Variants in TBXAS1 observed in about 807,000 individuals in gnomAD.
TBXAS1 encodes the protein thromboxane-A synthase.
Under a neutral mutation model 60.7 loss-of-function variants are expected in TBXAS1, and 48 were observed. That is an observed-to-expected ratio of 0.79 (90% CI 0.63 to 1.01). TBXAS1 has a LOEUF of 1.01. Ranked by LOEUF, TBXAS1 falls within the 50% of genes least tolerant of loss-of-function variation. The pLI, the probability that TBXAS1 is intolerant of heterozygous loss-of-function variation, is 0.00. For synonymous variants in TBXAS1, 287 were observed against 269.7 expected (o/e 1.06, Z -0.63); for missense variants, 685 against 686.3 (o/e 1.00, Z 0.02).
intron 12 of TBXAS1, 31 bp from the exon 13 acceptor site, chr7:140,019,990 CTCTT>C (rs748688217): frequency 3.4e-5 from 55 of 1,597,848 alleles, no homozygotes; most frequent in Non-Finnish European, 4.5e-5. Context: ...ATGCTACTAT[CTCTT>C]TGACAAATAT....
intron 1 of TBXAS1, among the ~76,000 whole-genome samples, chr7:139,866,694 G>A (rs1297235207): frequency 1.3e-5 from 2 of 151,980 alleles, no homozygotes; most frequent in African/African-American, 4.8e-5. Context: ...AGAGGTAGAG[G>A]CTACGGTGAG....
chr7:139,947,990 G>A (rs537349814), intron 5 of TBXAS1, among the ~76,000 whole-genome samples: 5 of 151,884 alleles, frequency 3.3e-5, no homozygotes, highest in African/African-American at 1.2e-4. Context: ...TCAGCCTCCC[G>A]AGTAGCTGGG....
intron 3 of TBXAS1, among the ~76,000 whole-genome samples, chr7:139,905,349 C>T (rs1456806918): frequency 6.6e-6 from 1 of 152,072 alleles, no homozygotes; most frequent in East Asian, 1.9e-4. Flanking sequence ...TTGTTGAATA[C>T]TTTTTCTGCA....
chr7:139,878,224 A>G lies in TBXAS1; in HGVS notation c.236+2587A>G, dbSNP rs571085315. Among the ~76,000 whole-genome samples, 24 of 140,550 alleles carry G rather than the reference A, an allele frequency of 1.7e-4. No individual in the cohort carries two copies. In the East Asian group the frequency reaches 4.9e-3, roughly 29 times the overall value. 92.2% of individuals were successfully genotyped at this position (140,550 alleles called of 152,430 possible). On this transcript the variant is annotated intron_variant, in intron 3 of 12. Coordinates refer to ENST00000448866, the MANE Select transcript of TBXAS1 (RefSeq NM_001061.7). ...AAGAGATAGAAAGAGATAGAGAGAG[A>G]TAGAAGAGGGGGAGAGAGAGAGAGA...
intron 9 of TBXAS1, among the ~76,000 whole-genome samples, chr7:139,992,450 C>T (rs915606349): frequency 2.0e-5 from 3 of 152,234 alleles, no homozygotes; most frequent in Non-Finnish European, 4.4e-5. Flanking sequence ...CCCACACTAG[C>T]GGGGAAGCTC....
chr7:139,861,065 T>C (rs1800925050), intron 1 of TBXAS1, among the ~76,000 whole-genome samples: 1 of 150,728 alleles, frequency 6.6e-6, no homozygotes, highest in African/African-American at 2.4e-5. Context: ...TCCCAGCTAC[T>C]TGGGAGGCTG....
chr7:139,786,822 G>A (rs1044988379), intron 3 of TBXAS1, among the ~76,000 whole-genome samples: 1 of 152,192 alleles, frequency 6.6e-6, no homozygotes, highest in African/African-American at 2.4e-5. Context: ...TTCTCATAAA[G>A]GTGTGTTCCA....
chr7:139,829,591 G>T, intron 1 of TBXAS1, 112 bp downstream of exon 1: 2 of 973,474 alleles, frequency 2.1e-6, no homozygotes, highest in Admixed American at 2.0e-5. Flanking sequence ...TTCTAATCTA[G>T]CGGGAGTGAG....
At chr7:139,837,477 A>G (rs967844211) in intron 1 of TBXAS1, among the ~76,000 whole-genome samples, 1 of 152,246 alleles carries the variant, frequency 6.6e-6, no homozygotes, top group Non-Finnish European at 1.5e-5. Flanking sequence ...AATACTATGC[A>G]GCCATAAAAA....
chr7:139,809,229 TAGATGATA>T (rs1179124943), intron 4 of TBXAS1, among the ~76,000 whole-genome samples: 176 of 115,978 alleles, frequency 1.5e-3, no homozygotes, highest in Middle Eastern at 7.9e-3. Context: ...GATAGATAGA[TAGATGATA>T]GATAGATAGA....
intron 9 of TBXAS1, among the ~76,000 whole-genome samples, chr7:139,983,594 T>C (rs1194148634): frequency 6.6e-6 from 1 of 152,122 alleles, no homozygotes; most frequent in Non-Finnish European, 1.5e-5. Flanking sequence ...ACCAACCCAA[T>C]AGATCTCCAT....
intron 4 of TBXAS1, among the ~76,000 whole-genome samples, chr7:139,928,842 A>T (rs933888313): frequency 2.6e-5 from 4 of 152,340 alleles, no homozygotes; most frequent in South Asian, 2.1e-4. Flanking sequence ...TCACTTTTTT[A>T]AAAAATCTTT....
chr7:139,851,113 T>C (rs987815348), intron 1 of TBXAS1, among the ~76,000 whole-genome samples: 1 of 152,246 alleles, frequency 6.6e-6, no homozygotes, highest in Non-Finnish European at 1.5e-5. Flanking sequence ...ATCATGTTTG[T>C]TACTGTAACC....
intron 3 of TBXAS1, among the ~76,000 whole-genome samples, chr7:139,880,216 T>G (rs1175210172): frequency 6.6e-6 from 1 of 152,176 alleles, no homozygotes; most frequent in African/African-American, 2.4e-5. Flanking sequence ...TGCTCTATAG[T>G]TCTGCTTTTA....
intron 4 of TBXAS1, among the ~76,000 whole-genome samples, chr7:139,801,586 C>G (rs1797725504): frequency 6.6e-6 from 1 of 152,014 alleles, no homozygotes; most frequent in Middle Eastern, 3.2e-3. Context: ...CCTTCTACCT[C>G]AGCCTCCCAA....
At chr7:139,985,041 A>C (rs1251479789) in intron 9 of TBXAS1, among the ~76,000 whole-genome samples, 2 of 152,196 alleles carry the variant, frequency 1.3e-5, no homozygotes, top group African/African-American at 2.4e-5. Flanking sequence ...TAAGGCTCAA[A>C]TGCCCTCCCC....
rs1810406307 is a variant in TBXAS1, at chr7:139,962,072, C to A, written c.973C>A (p.Pro325Thr). ...ACACCAGCCCAGCCCTATGGCCAGG[C>A]CTTTGACTGTGGATGAGATTGTGGG... ...RQHQPSPMAR[P>T]LTVDEIVGQA... The change falls in exon 9 of 13, where the codon CCT (proline) becomes ACT (threonine). Residue 325 changes from proline (P) to threonine (T), a missense_variant. Coordinates refer to ENST00000448866, the MANE Select transcript of TBXAS1 (RefSeq NM_001061.7). 1.9e-6 allele frequency: 3 copies of A among 1,614,104 alleles called. No individual in the cohort carries two copies. The highest frequency in any genetic ancestry group is 2.5e-6 in the Non-Finnish European group (3 of 1,180,054).
intron 5 of TBXAS1, among the ~76,000 whole-genome samples, chr7:139,949,325 T>G (rs542724457): frequency 2.6e-5 from 4 of 152,224 alleles, no homozygotes; most frequent in African/African-American, 9.6e-5. Context: ...CATATATATA[T>G]GTAGATAGAT....
chr7:139,980,914 T>G (rs1811924795), intron 9 of TBXAS1, among the ~76,000 whole-genome samples: 1 of 151,352 alleles, frequency 6.6e-6, no homozygotes, highest in African/African-American at 2.4e-5. Flanking sequence ...ACACAGGCAT[T>G]TCTTCCACAA....
Sources: gnomAD v4.1 joint callset for allele counts (sites outside exome capture counted in the v4.1 genomes callset) on GRCh38, gnomAD v4.1.1 for gene constraint, MANE v1.5 for transcripts, NCBI Gene and HGNC (gene_info 2026-07-23, HGNC 2026-07-21) for gene names.